RPS6KC1: variants seen among roughly 807,000 people sequenced by gnomAD.
The protein encoded by RPS6KC1 is ribosomal protein S6 kinase C1.
Under a neutral mutation model 103.8 loss-of-function variants are expected in RPS6KC1, and 54 were observed. That is an observed-to-expected ratio of 0.52 (90% confidence interval 0.42 to 0.65). RPS6KC1 has a LOEUF of 0.65. RPS6KC1 is among the 30% of genes least tolerant of loss of function. RPS6KC1 has a pLI of 0.00. For missense variants in RPS6KC1, 1,151 were observed against 1,253.8 expected, an observed-to-expected ratio of 0.92 and a Z score of 1.24; for synonymous variants, 439 against 438.7, an observed-to-expected ratio of 1.00 and a Z score of -0.01.
intron 5 of RPS6KC1, among the ~76,000 whole-genome samples, chr1:213,118,235 T>C (rs1161931979): frequency 6.6e-6 from 1 of 151,958 alleles, no homozygotes; most frequent in Non-Finnish European, 1.5e-5. Context: ...GTTTTATTCT[T>C]CTATTAAGGT....
At chr1:213,741,158 C>G in the RPS6KC1 span, among the ~76,000 whole-genome samples, 1 of 151,008 alleles carries the variant, frequency 6.6e-6, no homozygotes, top group African/African-American at 2.4e-5. Context: ...TTATGGGGTA[C>G]TACGTGGTGT....
chr1:213,077,101 C>A (rs1170040057), intron 2 of RPS6KC1, among the ~76,000 whole-genome samples: 1 of 152,228 alleles, frequency 6.6e-6, no homozygotes, highest in Non-Finnish European at 1.5e-5. Context: ...AACTCCTGAG[C>A]TCAGGTGATC....
the RPS6KC1 span, among the ~76,000 whole-genome samples, chr1:213,545,581 T>C: frequency 2.6e-5 from 4 of 152,064 alleles, no homozygotes; most frequent in Non-Finnish European, 4.4e-5. Context: ...ACCAGTCACA[T>C]TGGATTAAGG....
intron 3 of RPS6KC1, among the ~76,000 whole-genome samples, chr1:213,082,908 T>C (rs998293492): frequency 2.6e-5 from 4 of 152,172 alleles, no homozygotes; most frequent in African/African-American, 4.8e-5. Context: ...CCAAATGCTC[T>C]CAATAAAGAT....
the RPS6KC1 span, among the ~76,000 whole-genome samples, chr1:213,556,960 G>T: frequency 6.6e-6 from 1 of 152,142 alleles, no homozygotes; most frequent in African/African-American, 2.4e-5. Flanking sequence ...CTCAGAATTG[G>T]GACAGTCTTC....
At chr1:213,780,319 G>A in the RPS6KC1 span, among the ~76,000 whole-genome samples, 1 of 152,160 alleles carries the variant, frequency 6.6e-6, no homozygotes, top group Non-Finnish European at 1.5e-5. Flanking sequence ...AAAAGCAGCG[G>A]CCAGATGCCC....
the RPS6KC1 span, among the ~76,000 whole-genome samples, chr1:213,743,987 A>G: frequency 6.6e-6 from 1 of 152,188 alleles, no homozygotes; most frequent in Non-Finnish European, 1.5e-5. Flanking sequence ...TGCAATCTGG[A>G]TGGAGTTAGA....
chr1:213,246,610 T>C (rs1433874991), intron 12 of RPS6KC1, among the ~76,000 whole-genome samples: 3 of 152,192 alleles, frequency 2.0e-5, no homozygotes, highest in South Asian at 2.1e-4. Flanking sequence ...TATTAACTTA[T>C]GATAATAAAG....
At chr1:213,484,865 T>C in the RPS6KC1 span, among the ~76,000 whole-genome samples, 701 of 152,250 alleles carry the variant, frequency 4.6e-3, 3 homozygotes, top group South Asian at 0.015. Flanking sequence ...GAATATTTTC[T>C]TTTTTCTTTT....
the RPS6KC1 span, among the ~76,000 whole-genome samples, chr1:213,313,104 T>C: frequency 2.0e-5 from 3 of 152,208 alleles, no homozygotes; most frequent in Non-Finnish European, 2.9e-5. Context: ...ATTGTTTTGC[T>C]GTTCTTATTT....
At chr1:213,669,083 T>C in the RPS6KC1 span, among the ~76,000 whole-genome samples, 6 of 152,254 alleles carry the variant, frequency 3.9e-5, no homozygotes, top group Non-Finnish European at 8.8e-5. Flanking sequence ...CATTCATGTG[T>C]TCACTGGAGT....
Position 213,219,845 on chromosome 1 carries a change from C to T in RPS6KC1, c.1045-10652C>T, listed in dbSNP as rs187616751. ...ACACAGGAAGGGGAACATCACACAC[C>T]GGGGCCTGTTGTGGGGTGGGGGGAG... On this transcript the variant is annotated intron_variant, in intron 8 of 14. Coordinates refer to ENST00000366960, the MANE Select transcript of RPS6KC1 (RefSeq NM_012424.6). Among the ~76,000 whole-genome samples, 497 of 96,578 alleles carry T rather than the reference C, an allele frequency of 5.1e-3. 4 individuals are homozygous for T. Among genetic ancestry groups the T allele is most frequent in the African/African-American group, 0.02 (465 of 23,566 alleles). The allele number at this position is 96,578 out of a possible 152,430, so 63.4% of individuals were successfully genotyped here. A position where few individuals can be genotyped will look rare whatever the true frequency, so the allele number is the denominator to read the frequency against.
the RPS6KC1 span, among the ~76,000 whole-genome samples, chr1:213,860,623 G>A: frequency 6.6e-6 from 1 of 152,018 alleles, no homozygotes; most frequent in African/African-American, 2.4e-5. Context: ...GCAAAGGAGA[G>A]AGTGTTCTAG....
the RPS6KC1 span, among the ~76,000 whole-genome samples, chr1:213,854,510 C>CTCTTTCTT: frequency 0.083 from 10,027 of 120,810 alleles, 671 homozygotes; most frequent in Middle Eastern, 0.17. Context: ...CTCTTTCTTT[C>CTCTTTCTT]TCTTTCTTTC....
intron 8 of RPS6KC1, among the ~76,000 whole-genome samples, chr1:213,201,063 C>A (rs919787533): frequency 1.3e-5 from 2 of 152,164 alleles, no homozygotes; most frequent in African/African-American, 2.4e-5. Flanking sequence ...GTACAACAGA[C>A]CCCCTTGACA....
chr1:213,745,434 A>AG, the RPS6KC1 span, among the ~76,000 whole-genome samples: 2 of 152,058 alleles, frequency 1.3e-5, no homozygotes, highest in African/African-American at 4.8e-5. Flanking sequence ...AAAAAAAAAA[A>AG]AAACACTTTC....
chr1:213,634,753 G>C, the RPS6KC1 span, among the ~76,000 whole-genome samples: 1 of 150,566 alleles, frequency 6.6e-6, no homozygotes, highest in Non-Finnish European at 1.5e-5. Context: ...AAGAGATAGA[G>C]ACACTAAAAA....
chr1:213,544,479 C>T, the RPS6KC1 span, among the ~76,000 whole-genome samples: 3 of 152,180 alleles, frequency 2.0e-5, no homozygotes, highest in South Asian at 2.1e-4. Flanking sequence ...TTGCCATTGC[C>T]AGCTCAGGGC....
At chr1:213,813,211 A>C in the RPS6KC1 span, among the ~76,000 whole-genome samples, 2 of 152,030 alleles carry the variant, frequency 1.3e-5, no homozygotes, top group Non-Finnish European at 2.9e-5. Flanking sequence ...AGATCACGCC[A>C]CTGCACTCTA....
Sources: gnomAD v4.1 joint callset for allele counts (sites outside exome capture counted in the v4.1 genomes callset) on GRCh38, gnomAD v4.1.1 for gene constraint, MANE v1.5 for transcripts, NCBI Gene and HGNC (gene_info 2026-07-23, HGNC 2026-07-21) for gene names.